CLIP4: variants seen among roughly 807,000 people sequenced by gnomAD.
CLIP4 encodes CAP-Gly domain containing linker protein family member 4, also known as CAP-Gly domain-containing linker protein 4.
CLIP4 carries 47 observed loss-of-function variants against 73.1 expected under a neutral mutation model. That is an observed-to-expected ratio of 0.64 (90% CI 0.51 to 0.82). The LOEUF is 0.82. Ranked by LOEUF, CLIP4 falls within the 40% of genes least tolerant of loss-of-function variation. CLIP4 has a pLI of 0.00. For missense variants in CLIP4, 874 were observed against 852.9 expected (o/e 1.02, Z -0.31); for synonymous variants, 306 against 295.4 (o/e 1.04, Z -0.37).
intron 15 of CLIP4, among the ~76,000 whole-genome samples, chr2:29,175,782 G>A (rs1381758594): frequency 6.6e-6 from 1 of 151,902 alleles, no homozygotes; most frequent in East Asian, 1.9e-4. Flanking sequence ...TTATTTTTGA[G>A]ACAGAGTCTT....
At chr2:29,118,683 G>A (rs897051697) in intron 1 of CLIP4, among the ~76,000 whole-genome samples, 16 of 151,762 alleles carry the variant, frequency 1.1e-4, no homozygotes, top group African/African-American at 2.7e-4. Context: ...CATGCCCAGC[G>A]AATTTTTTGT....
chr2:29,129,922 T>C (rs1664855973), intron 2 of CLIP4: 1 of 451,660 alleles, frequency 2.2e-6, no homozygotes, highest in South Asian at 1.6e-5. Flanking sequence ...TTGGACCCCA[T>C]CTTTGCATTA....
chr2:29,126,128 G>C (rs1664585170), intron 2 of CLIP4, among the ~76,000 whole-genome samples: 1 of 152,244 alleles, frequency 6.6e-6, no homozygotes, highest in African/African-American at 2.4e-5. Flanking sequence ...AGTGAGCTGA[G>C]ATCACTGAGA....
intron 11 of CLIP4, among the ~76,000 whole-genome samples, chr2:29,159,641 G>A (rs1447016854): frequency 7.3e-6 from 1 of 137,124 alleles, no homozygotes; most frequent in Non-Finnish European, 1.5e-5. Context: ...AAGCCCAGGA[G>A]TTTGAGACCA....
intron 1 of CLIP4, among the ~76,000 whole-genome samples, chr2:29,103,643 T>C (rs1050984568): frequency 1.3e-5 from 2 of 152,068 alleles, no homozygotes; most frequent in Non-Finnish European, 2.9e-5. Context: ...TGAATGTTGA[T>C]CTGTCTGTAG....
intron 8 of CLIP4, among the ~76,000 whole-genome samples, chr2:29,150,766 C>A (rs3100233): frequency 0.14 from 20,450 of 150,184 alleles, 1,822 homozygotes; most frequent in Middle Eastern, 0.22. Context: ...ATTACAGGCA[C>A]GCACCACCGT....
chr2:29,107,725 G>A (rs1435591078), intron 1 of CLIP4, among the ~76,000 whole-genome samples: 1 of 151,856 alleles, frequency 6.6e-6, no homozygotes, highest in East Asian at 1.9e-4. Flanking sequence ...GCCCAGGCTG[G>A]AGTGCAGTGG....
Position 29,131,294 on chromosome 2 carries a change from A to T in CLIP4, c.170A>T (p.Gln57Leu). The change falls in exon 3 of 16, where the codon CAG becomes CTG. Residue 57 changes from glutamine to leucine, a missense_variant. Physicochemically the swap from Gln to Leu is moderately radical, Grantham distance 113. Transcript: ENST00000320081. The part of the protein sequence containing the change: ...SFFDPNDASC[Q>L]EILFDPKTSV... ...TTTGATCCTAATGATGCATCATGCC[A>T]GGAAATTCTTTTTGATCCCAAAACT... 6.2e-7 allele frequency: 1 copy of T among 1,609,990 alleles called. No individual in the cohort carries two copies. Among genetic ancestry groups the T allele is most frequent in the South Asian group, 1.1e-5 (1 of 89,604 alleles).
chr2:29,106,118 G>T (rs939695199), intron 1 of CLIP4, among the ~76,000 whole-genome samples: 3 of 148,872 alleles, frequency 2.0e-5, no homozygotes. Context: ...CTGAAATCTT[G>T]GTTCTTCTAT....
At chr2:29,122,017 A>G (rs1210451525) in intron 2 of CLIP4, among the ~76,000 whole-genome samples, 1 of 152,304 alleles carries the variant, frequency 6.6e-6, no homozygotes, top group Non-Finnish European at 1.5e-5. Flanking sequence ...CTCCAGAACC[A>G]TAATAAAAGG....
Position 29,135,540 on chromosome 2 carries a change from A to AAGTAT in CLIP4, c.530-7_530-6insGTATA. 6.3e-7 allele frequency: 1 copy of AAGTAT among 1,586,616 alleles called. No individual in the cohort carries two copies. Among genetic ancestry groups the AAGTAT allele is most frequent in the South Asian group, 1.1e-5 (1 of 87,556 alleles). ...TTTAGTTAATATACTTATGATGTTT[A>AAGTAT]ATTGCAGATGTGGATGCCACTTGCA... On this transcript the variant is annotated splice_polypyrimidine_tract_variant and splice_region_variant and intron_variant, in intron 5 of 15. Coordinates refer to ENST00000320081, the MANE Select transcript of CLIP4 (RefSeq NM_024692.6).
chr2:29,125,621 C>G (rs1664551492), intron 2 of CLIP4, among the ~76,000 whole-genome samples: 1 of 152,160 alleles, frequency 6.6e-6, no homozygotes, highest in East Asian at 1.9e-4. Context: ...CCCCCTGCCC[C>G]ACCCCTGAAC....
Position 29,135,189 on chromosome 2 carries a change from T to C in CLIP4, c.530-359T>C, listed in dbSNP as rs1665264080. Among the ~76,000 whole-genome samples the C allele has an allele frequency of 2.0e-5, 3 of 152,222 alleles. No homozygotes were observed. In the South Asian group the frequency reaches 6.2e-4, roughly 31 times the overall value. On this transcript the variant is annotated intron_variant, in intron 5 of 15. Coordinates refer to ENST00000320081, the MANE Select transcript of CLIP4 (RefSeq NM_024692.6). ...TGACCCCTGAGCTAAACTCTACTAC[T>C]CTACCTCACTGTAGTTGTCATGGCA...
chr2:29,100,233 A>G (rs1668001357), intron 1 of CLIP4, among the ~76,000 whole-genome samples: 2 of 152,222 alleles, frequency 1.3e-5, no homozygotes, highest in African/African-American at 2.4e-5. Flanking sequence ...CCTGGCCACA[A>G]CTGACTTTGG....
chr2:29,125,882 G>A (rs1664568767), intron 2 of CLIP4, among the ~76,000 whole-genome samples: 1 of 152,072 alleles, frequency 6.6e-6, no homozygotes, highest in Non-Finnish European at 1.5e-5. Flanking sequence ...TTGATTAAAA[G>A]CTATTTTTTA....
At chr2:29,145,152 G>A (rs547770504) in intron 7 of CLIP4, 80 bp from the exon 8 acceptor site, 18 of 1,245,446 alleles carry the variant, frequency 1.4e-5, no homozygotes, top group Non-Finnish European at 1.8e-5. Flanking sequence ...AAACTCCCAT[G>A]GTGAAGTAAA....
chr2:29,114,332 G>A (rs1668464677), upstream of CLIP4: 1 of 152,242 alleles, frequency 6.6e-6, no homozygotes, highest in Admixed American at 6.5e-5. Flanking sequence ...ATTGTGACCA[G>A]GTCATATCAG....
chr2:29,161,424 A>T (rs75762015), intron 12 of CLIP4, among the ~76,000 whole-genome samples: 1 of 143,036 alleles, frequency 7.0e-6, no homozygotes, highest in Admixed American at 6.9e-5. Context: ...AACATTGATT[A>T]AAAAAAAAAA....
Position 29,135,539 on chromosome 2 carries a change from T to TA in CLIP4, c.530-7dup. The TA allele has an allele frequency of 6.3e-7, 1 of 1,586,204 alleles. No homozygotes were observed. The highest frequency in any genetic ancestry group is 8.6e-7 in the Non-Finnish European group (1 of 1,161,690). On this transcript the variant is annotated splice_polypyrimidine_tract_variant and intron_variant, in intron 5 of 15. Transcript: ENST00000320081. ...TTTTAGTTAATATACTTATGATGTTTAATTGCAGATGTGGATGCCACTTGC... is the reference window on the plus strand; with the variant it reads ...TTTTAGTTAATATACTTATGATGTTTAAATTGCAGATGTGGATGCCACTTGC...
Sources: allele counts gnomAD v4.1 joint callset (sites outside exome capture counted in the v4.1 genomes callset), GRCh38; gene constraint gnomAD v4.1.1; transcripts MANE v1.5; gene names NCBI Gene and HGNC (gene_info 2026-07-23, HGNC 2026-07-21).